RBM27: variants seen among roughly 807,000 people sequenced by gnomAD.
The protein encoded by RBM27 is RNA-binding protein 27.
A neutral mutation model predicts 135.3 loss-of-function variants in RBM27; 22 were observed. The ratio of observed to expected loss-of-function variants is 0.16; its 90% CI spans 0.12 to 0.23. RBM27 has a LOEUF of 0.23. RBM27 is among the 10% of genes least tolerant of loss of function. The pLI is 1.00. For missense variants in RBM27, 1,009 were observed against 1,281.0 expected (o/e 0.79, Z 3.24); for synonymous variants, 481 against 442.4 (o/e 1.09, Z -1.10).
At chr5:146,221,528 G>C (rs1363260957) in intron 2 of RBM27, among the ~76,000 whole-genome samples, 1 of 152,090 alleles carries the variant, frequency 6.6e-6, no homozygotes, top group African/African-American at 2.4e-5. Flanking sequence ...CTACCTGCTG[G>C]GCTCAAGCAA....
intron 3 of RBM27, among the ~76,000 whole-genome samples, chr5:146,228,153 C>T (rs1756756305): frequency 6.6e-6 from 1 of 152,024 alleles, no homozygotes; most frequent in South Asian, 2.1e-4. Flanking sequence ...TTTATTTCTG[C>T]TGTTGCCTGA....
chr5:146,260,695 C>G, intron 11 of RBM27, 50 bp from the exon 12 acceptor site: 1 of 1,466,520 alleles, frequency 6.8e-7, no homozygotes, highest in Non-Finnish European at 9.2e-7. Flanking sequence ...TATCTCTTTG[C>G]TAGGCATGAA....
chr5:146,262,695 A>T (rs1393810895), intron 13 of RBM27, among the ~76,000 whole-genome samples: 2 of 152,238 alleles, frequency 1.3e-5, no homozygotes, highest in African/African-American at 2.4e-5. Flanking sequence ...AAGGGTGCAA[A>T]GGTGAATGCT....
chr5:146,278,217 G>A (rs1352811556), intron 19 of RBM27, among the ~76,000 whole-genome samples: 1 of 151,978 alleles, frequency 6.6e-6, no homozygotes, highest in Non-Finnish European at 1.5e-5. Flanking sequence ...TTCTAATCGG[G>A]GAAAATGGCT....
At chr5:146,228,766 A>C (rs1756796139) in intron 3 of RBM27, among the ~76,000 whole-genome samples, 180 bp from the exon 4 acceptor site, 1 of 151,958 alleles carries the variant, frequency 6.6e-6, no homozygotes, top group African/African-American at 2.4e-5. Context: ...CACCATGCCC[A>C]GCTAACTTAT....
intron 5 of RBM27, 97 bp downstream of exon 5, chr5:146,230,007 G>A: frequency 7.3e-7 from 1 of 1,365,798 alleles, no homozygotes; most frequent in African/African-American, 1.5e-5. Flanking sequence ...CCTTTAATAT[G>A]TCTGAGCAGT....
At chr5:146,255,779 GAC>G (rs1281744676) in intron 10 of RBM27, among the ~76,000 whole-genome samples, 2 of 151,938 alleles carry the variant, frequency 1.3e-5, no homozygotes, top group African/African-American at 4.8e-5. Flanking sequence ...GGACTGCACT[GAC>G]ACAATAGTTT....
chr5:146,236,126 A>T (rs1757148240), intron 7 of RBM27, among the ~76,000 whole-genome samples: 1 of 152,250 alleles, frequency 6.6e-6, no homozygotes, highest in South Asian at 2.1e-4. Context: ...GCGTGGGAAC[A>T]TATCTATTTA....
At chr5:146,271,818 T>C in intron 19 of RBM27, 144 bp downstream of exon 19, 2 of 675,886 alleles carry the variant, frequency 3.0e-6, no homozygotes, top group Non-Finnish European at 4.7e-6. Flanking sequence ...GCCTATTTAA[T>C]ATATTTAAAA....
intron 1 of RBM27, among the ~76,000 whole-genome samples, chr5:146,217,932 ATTTTCTATAGCAACAGAG>A (rs1450937957): frequency 1.4e-4 from 21 of 150,906 alleles, no homozygotes; most frequent in Middle Eastern, 3.2e-3. Context: ...TAATTTTTGT[ATTTTCTATAGCAACAGAG>A]TTTTGCCATT....
chr5:146,266,666 T>C (rs1758632011), intron 14 of RBM27, among the ~76,000 whole-genome samples: 1 of 152,234 alleles, frequency 6.6e-6, no homozygotes, highest in Non-Finnish European at 1.5e-5. Context: ...ACGGGTGCAG[T>C]GGCTCACACC....
chr5:146,271,856 C>A (rs912859807), intron 19 of RBM27, among the ~76,000 whole-genome samples, 182 bp downstream of exon 19: 1 of 152,168 alleles, frequency 6.6e-6, no homozygotes, highest in Non-Finnish European at 1.5e-5. Flanking sequence ...GCTTTTGATT[C>A]CATAATACTC....
At chr5:146,267,626 T>C in intron 14 of RBM27, 23 bp from the exon 15 acceptor site, 3 of 1,407,860 alleles carry the variant, frequency 2.1e-6, no homozygotes, top group African/African-American at 1.5e-5. Flanking sequence ...TGTGTGTGCT[T>C]TTTTTTTTTC....
intron 10 of RBM27, among the ~76,000 whole-genome samples, chr5:146,256,199 CT>C (rs1316541050): frequency 1.3e-5 from 2 of 149,760 alleles, no homozygotes; most frequent in Non-Finnish European, 3.0e-5. Flanking sequence ...TTTATTAATT[CT>C]TTTTTCCTGC....
At chr5:146,285,245 A>G (rs982618798) in intron 20 of RBM27, among the ~76,000 whole-genome samples, 2 of 151,922 alleles carry the variant, frequency 1.3e-5, no homozygotes, top group Admixed American at 1.3e-4. Flanking sequence ...TTGCTTTTTT[A>G]CTCCTGTTGT....
At chr5:146,215,951 A>G (rs1378790453) in intron 1 of RBM27, among the ~76,000 whole-genome samples, 1 of 151,984 alleles carries the variant, frequency 6.6e-6, no homozygotes, top group Non-Finnish European at 1.5e-5. Context: ...GGATTTCACC[A>G]TTTGGGTCAG....
intron 6 of RBM27, among the ~76,000 whole-genome samples, chr5:146,232,505 C>T (rs886792305): frequency 1.3e-5 from 2 of 152,078 alleles, no homozygotes; most frequent in East Asian, 1.9e-4. Context: ...TATTTCCTGG[C>T]GTTCATCCTA....
chr5:146,229,938 C>T (rs1488846226), intron 5 of RBM27, 28 bp downstream of exon 5: 2 of 1,610,980 alleles, frequency 1.2e-6, no homozygotes, highest in Admixed American at 1.7e-5. Flanking sequence ...CCCCTAAAAA[C>T]TCTGTAGTTA....
chr5:146,279,837 T>C (rs952716630), intron 19 of RBM27, among the ~76,000 whole-genome samples: 1 of 150,566 alleles, frequency 6.6e-6, no homozygotes, highest in Non-Finnish European at 1.5e-5. Flanking sequence ...GTATGACTAA[T>C]AAAAGTAAAA....
Sources: gnomAD v4.1 joint callset for allele counts (sites outside exome capture counted in the v4.1 genomes callset) on GRCh38, gnomAD v4.1.1 for gene constraint, MANE v1.5 for transcripts, NCBI Gene and HGNC (gene_info 2026-07-23, HGNC 2026-07-21) for gene names.